ARHGAP24: variants seen among roughly 807,000 people sequenced by gnomAD.
The protein encoded by ARHGAP24 is Rho GTPase activating protein 24, also known as rho GTPase-activating protein 24.
In ARHGAP24, 50 loss-of-function variants were observed where a neutral mutation model predicts 76.4. The ratio of observed to expected loss-of-function variants is 0.65; its 90% CI spans 0.52 to 0.83. ARHGAP24 has a LOEUF of 0.83. Ranked by LOEUF, ARHGAP24 falls within the 40% of genes least tolerant of loss-of-function variation. ARHGAP24 has a pLI of 0.00. For synonymous variants in ARHGAP24, 345 were observed against 323.3 expected, an observed-to-expected ratio of 1.07 and a Z score of -0.72; for missense variants, 930 against 914.2, an observed-to-expected ratio of 1.02 and a Z score of -0.22.
chr4:85,855,700 C>T (rs1365497080), intron 3 of ARHGAP24, among the ~76,000 whole-genome samples: 1 of 151,624 alleles, frequency 6.6e-6, no homozygotes, highest in Non-Finnish European at 1.5e-5. Flanking sequence ...ATGGCTTGAA[C>T]CCAGGAGGTG....
At chr4:85,583,555 C>T (rs1727701308) in intron 2 of ARHGAP24, among the ~76,000 whole-genome samples, 1 of 151,936 alleles carries the variant, frequency 6.6e-6, no homozygotes, top group Non-Finnish European at 1.5e-5. Context: ...GTCTAAAACA[C>T]CTAAAGCAGT....
chr4:85,868,578 A>G (rs1202019804), intron 3 of ARHGAP24, among the ~76,000 whole-genome samples: 1 of 152,166 alleles, frequency 6.6e-6, no homozygotes, highest in East Asian at 1.9e-4. Flanking sequence ...GATATTATAC[A>G]CTAAATATAA....
At chr4:85,707,364 T>A (rs1724354552) in intron 2 of ARHGAP24, among the ~76,000 whole-genome samples, 1 of 152,242 alleles carries the variant, frequency 6.6e-6, no homozygotes, top group Non-Finnish European at 1.5e-5. Flanking sequence ...CAGAGAAATG[T>A]TTGAATGCGT....
At chr4:85,865,415 A>G (rs76930533) in intron 3 of ARHGAP24, among the ~76,000 whole-genome samples, 1 of 149,588 alleles carries the variant, frequency 6.7e-6, no homozygotes, top group Non-Finnish European at 1.5e-5. Flanking sequence ...CTACCATGCC[A>G]TTATTTTCTA....
intron 3 of ARHGAP24, among the ~76,000 whole-genome samples, chr4:85,733,583 T>C (rs906702227): frequency 1.4e-4 from 22 of 152,174 alleles, no homozygotes; most frequent in Admixed American, 5.2e-4. Flanking sequence ...TAACAAGTAC[T>C]ACAAACTGGG....
chr4:85,907,806 T>C (rs573490484), intron 3 of ARHGAP24, among the ~76,000 whole-genome samples: 3 of 152,322 alleles, frequency 2.0e-5, no homozygotes, highest in South Asian at 2.1e-4. Flanking sequence ...TTGTTTAAGA[T>C]GAACTCATCT....
intron 3 of ARHGAP24, among the ~76,000 whole-genome samples, chr4:85,797,261 C>CT (rs1438881486): frequency 6.6e-6 from 1 of 152,092 alleles, no homozygotes; most frequent in Non-Finnish European, 1.5e-5. Flanking sequence ...CAAGCTCCGC[C>CT]TCCCGGGTTC....
intron 1 of ARHGAP24, among the ~76,000 whole-genome samples, chr4:85,528,053 G>A (rs1725084462): frequency 1.3e-5 from 2 of 152,036 alleles, no homozygotes; most frequent in Admixed American, 1.3e-4. Flanking sequence ...TGCTACAATA[G>A]CAGTGTTATG....
chr4:85,869,901 T>C (rs1217372333), intron 3 of ARHGAP24, among the ~76,000 whole-genome samples: 2 of 152,134 alleles, frequency 1.3e-5, no homozygotes, highest in Non-Finnish European at 2.9e-5. Flanking sequence ...GGTGAGGAGC[T>C]TGGGCTATGC....
chr4:85,762,476 T>C (rs980922900), intron 3 of ARHGAP24, among the ~76,000 whole-genome samples: 2 of 152,170 alleles, frequency 1.3e-5, no homozygotes, highest in African/African-American at 4.8e-5. Context: ...CTAATTAACA[T>C]AAGCTAACAA....
At chr4:85,731,045 ATGTG>A (rs1282764670) in intron 3 of ARHGAP24, among the ~76,000 whole-genome samples, 1 of 148,938 alleles carries the variant, frequency 6.7e-6, no homozygotes, top group Non-Finnish European at 1.5e-5. Context: ...GAGACTGGGC[ATGTG>A]TGTGTGTGTA....
intron 8 of ARHGAP24, among the ~76,000 whole-genome samples, chr4:85,988,241 G>A (rs1311885868): frequency 6.6e-6 from 1 of 151,716 alleles, no homozygotes; most frequent in Admixed American, 6.6e-5. Context: ...GATGAATGAA[G>A]TGAAGAGCAC....
At chr4:85,712,900 G>A (rs776651235) in intron 2 of ARHGAP24, among the ~76,000 whole-genome samples, 22 of 152,048 alleles carry the variant, frequency 1.4e-4, no homozygotes, top group Non-Finnish European at 2.1e-4. Flanking sequence ...CATTTTCTAG[G>A]GCTGTCTTCC....
At chr4:85,740,629 T>G (rs1366185748) in intron 3 of ARHGAP24, among the ~76,000 whole-genome samples, 1 of 152,244 alleles carries the variant, frequency 6.6e-6, no homozygotes, top group Non-Finnish European at 1.5e-5. Flanking sequence ...TGCTTGCTTG[T>G]GGTTGGCACT....
At chr4:85,746,970 T>C (rs1726065420) in intron 3 of ARHGAP24, among the ~76,000 whole-genome samples, 1 of 152,184 alleles carries the variant, frequency 6.6e-6, no homozygotes, top group South Asian at 2.1e-4. Flanking sequence ...CCTGTTTTAA[T>C]GGGAAACCAT....
At chr4:85,705,412 A>C (rs910587530) in intron 2 of ARHGAP24, among the ~76,000 whole-genome samples, 2 of 152,234 alleles carry the variant, frequency 1.3e-5, no homozygotes, top group Non-Finnish European at 2.9e-5. Context: ...GAATGAATAT[A>C]ATATGACTTG....
At chr4:85,725,171 CAAG>C (rs1450202714) in intron 3 of ARHGAP24, among the ~76,000 whole-genome samples, 1 of 152,094 alleles carries the variant, frequency 6.6e-6, no homozygotes, top group African/African-American at 2.4e-5. Flanking sequence ...AAGAAACAGA[CAAG>C]AAATAGGCAA....
intron 3 of ARHGAP24, among the ~76,000 whole-genome samples, chr4:85,867,608 T>C (rs887801207): frequency 2.0e-5 from 3 of 151,860 alleles, no homozygotes; most frequent in African/African-American, 7.2e-5. Context: ...TCAATGATTC[T>C]TTTTTGAGAG....
At chr4:85,946,295 A>G (rs1737262161) in intron 5 of ARHGAP24, among the ~76,000 whole-genome samples, 1 of 152,110 alleles carries the variant, frequency 6.6e-6, no homozygotes, top group Non-Finnish European at 1.5e-5. Context: ...TTTAAAATGT[A>G]TATTTTTTCC....
Sources: gnomAD v4.1 joint callset for allele counts (sites outside exome capture counted in the v4.1 genomes callset) on GRCh38, gnomAD v4.1.1 for gene constraint, MANE v1.5 for transcripts, NCBI Gene and HGNC (gene_info 2026-07-23, HGNC 2026-07-21) for gene names.